Variants in PLXNA4 observed in about 807,000 individuals in gnomAD.
The protein encoded by PLXNA4 is plexin A4.
Under a neutral mutation model 191.8 loss-of-function variants are expected in PLXNA4, and 44 were observed. The observed-to-expected ratio is 0.23, with a 90% CI of 0.18 to 0.29. PLXNA4 has a LOEUF of 0.29. PLXNA4 is among the 10% of genes least tolerant of loss of function. The probability of loss-of-function intolerance (pLI) is 1.00; values close to 1 mark genes in which losing one functional copy is unlikely to be tolerated. For synonymous variants in PLXNA4, 1,082 were observed against 1,009.5 expected, an observed-to-expected ratio of 1.07 and a Z score of -1.36; for missense variants, 1,800 against 2,488.8, an observed-to-expected ratio of 0.72 and a Z score of 5.89.
rs773263111 is a variant in PLXNA4, at chr7:132,223,652, G to A, written c.1983-11C>T. On this transcript the variant is annotated splice_polypyrimidine_tract_variant and intron_variant, in intron 8 of 31. Transcript: ENST00000321063. Reference sequence around the variant, plus strand: ...ACGCAGGACAGGCACCTGGGCACAGGGGAAGGGAGGCACAAATCTAAGAAC... The same window carrying A: ...ACGCAGGACAGGCACCTGGGCACAGAGGAAGGGAGGCACAAATCTAAGAAC... 2.5e-6 allele frequency: 4 copies of A among 1,607,582 alleles called. No homozygotes were observed. Among genetic ancestry groups the A allele is most frequent in the Admixed American group, 3.4e-5 (2 of 59,634 alleles).
At chr7:132,585,802 C>T (rs1231109346) in intron 2 of PLXNA4, among the ~76,000 whole-genome samples, 1 of 152,112 alleles carries the variant, frequency 6.6e-6, no homozygotes, top group African/African-American at 2.4e-5. Flanking sequence ...TATAAGGACT[C>T]GATCCATCAT....
chr7:132,580,603 A>T (rs1802383923), upstream of PLXNA4, among the ~76,000 whole-genome samples: 1 of 152,196 alleles, frequency 6.6e-6, no homozygotes, highest in African/African-American at 2.4e-5. Context: ...AGACAGAAAA[A>T]GTATTGGTTC....
chr7:132,629,928 C>T (rs750889961), intron 2 of PLXNA4, among the ~76,000 whole-genome samples: 1 of 152,086 alleles, frequency 6.6e-6, no homozygotes, highest in Non-Finnish European at 1.5e-5. Flanking sequence ...CCGCTCACTG[C>T]AAGCTCCACC....
intron 3 of PLXNA4, among the ~76,000 whole-genome samples, chr7:132,395,360 A>G (rs1793712686): frequency 1.3e-5 from 2 of 152,184 alleles, no homozygotes; most frequent in Admixed American, 1.3e-4. Flanking sequence ...CAAGATGAAT[A>G]AGCACTTTCT....
chr7:132,387,238 C>T (rs1474200795), intron 3 of PLXNA4, among the ~76,000 whole-genome samples: 1 of 152,218 alleles, frequency 6.6e-6, no homozygotes, highest in Non-Finnish European at 1.5e-5. Flanking sequence ...CAGGCTCCAC[C>T]TCACACCTAT....
chr7:132,313,166 T>C (rs1180609583), intron 3 of PLXNA4, among the ~76,000 whole-genome samples: 1 of 152,190 alleles, frequency 6.6e-6, no homozygotes, highest in Non-Finnish European at 1.5e-5. Flanking sequence ...TCCTCAAGCC[T>C]AGAGTCAATA....
intron 2 of PLXNA4, among the ~76,000 whole-genome samples, chr7:132,493,139 T>C (rs1160898904): frequency 1.3e-5 from 2 of 152,128 alleles, no homozygotes; most frequent in Non-Finnish European, 1.5e-5. Flanking sequence ...TGAGGGTTGA[T>C]GTGGCTTCCT....
chr7:132,228,527 C>T (rs1372983154), intron 5 of PLXNA4, 58 bp from the exon 6 acceptor site: 75 of 1,601,698 alleles, frequency 4.7e-5, no homozygotes, highest in South Asian at 1.6e-4. Context: ...CAGGGAGGGG[C>T]GGATGCTGAG....
intron 1 of PLXNA4, among the ~76,000 whole-genome samples, chr7:132,648,233 T>C (rs148868522): frequency 6.6e-6 from 1 of 152,258 alleles, no homozygotes; most frequent in African/African-American, 2.4e-5. Flanking sequence ...ACACATCGTG[T>C]ATGTCCTTCT....
intron 10 of PLXNA4, among the ~76,000 whole-genome samples, chr7:132,206,469 T>TGTGC (rs1562920683): frequency 2.0e-5 from 3 of 149,536 alleles, no homozygotes; most frequent in South Asian, 2.1e-4. Flanking sequence ...TGTGTGTGTG[T>TGTGC]GTGCGCATGT....
At chr7:132,236,968 C>T (rs1798722594) in intron 5 of PLXNA4, among the ~76,000 whole-genome samples, 1 of 152,164 alleles carries the variant, frequency 6.6e-6, no homozygotes, top group Admixed American at 6.5e-5. Context: ...TCAGGAGGAG[C>T]AATATCTGGC....
At chr7:132,174,494 T>C (rs774149668) in intron 21 of PLXNA4, among the ~76,000 whole-genome samples, 10 of 152,210 alleles carry the variant, frequency 6.6e-5, no homozygotes, top group Non-Finnish European at 1.5e-4. Context: ...TGTGCATATG[T>C]AGTTTTTTCT....
chr7:132,484,643 G>A (rs761010657), intron 3 of PLXNA4: 24 of 1,158,722 alleles, frequency 2.1e-5, no homozygotes, highest in Admixed American at 8.2e-5. Context: ...CTACCTGACC[G>A]AACCCTGTAT....
intron 3 of PLXNA4, among the ~76,000 whole-genome samples, chr7:132,417,178 C>A (rs959180955): frequency 1.1e-4 from 16 of 152,160 alleles, no homozygotes; most frequent in Middle Eastern, 3.2e-3. Flanking sequence ...GCCAATCCAT[C>A]CTCTTGACAG....
At chr7:132,574,702 C>T (rs776611821) in intron 1 of PLXNA4, among the ~76,000 whole-genome samples, 26 of 152,312 alleles carry the variant, frequency 1.7e-4, no homozygotes, top group African/African-American at 2.4e-4. Flanking sequence ...CAGCACACAG[C>T]GGGAATACAA....
rs979069470 is a variant in PLXNA4, at chr7:132,128,472, T to C, written c.*2007A>G. The stretch of plus-strand genomic sequence containing the variant: ...TCCTTCCACCCACCAGCTCTCAGCA[T>C]AGAAAGCAAGTAAGTGTTGAAATGT... On this transcript the variant is annotated 3_prime_UTR_variant, in exon 32 of 32. Transcript: ENST00000321063. 2 of 151,576 alleles carry C rather than the reference T, an allele frequency of 1.3e-5. No individual in the cohort carries two copies. The highest frequency in any genetic ancestry group is 4.9e-5 in the African/African-American group (2 of 40,828). The allele number at this position is 151,576 out of a possible 1,614,324, so 9.4% of individuals were successfully genotyped here.
intron 3 of PLXNA4, among the ~76,000 whole-genome samples, chr7:132,442,267 C>A (rs1795725386): frequency 6.6e-6 from 1 of 152,082 alleles, no homozygotes; most frequent in East Asian, 1.9e-4. Flanking sequence ...TGTGTCAGGG[C>A]CACAGAGGTC....
intron 3 of PLXNA4, among the ~76,000 whole-genome samples, chr7:132,327,100 G>A (rs1203572671): frequency 6.7e-6 from 1 of 149,614 alleles, no homozygotes; most frequent in Non-Finnish European, 1.5e-5. Context: ...GAAGAAAGGA[G>A]GGAGAAAGAA....
At chr7:132,271,822 G>A (rs2116331370) in intron 4 of PLXNA4, among the ~76,000 whole-genome samples, 1 of 152,136 alleles carries the variant, frequency 6.6e-6, no homozygotes, top group Non-Finnish European at 1.5e-5. Flanking sequence ...AAGAGTTAGA[G>A]GTGAAAAAAT....
Sources: allele counts gnomAD v4.1 joint callset (sites outside exome capture counted in the v4.1 genomes callset), GRCh38; gene constraint gnomAD v4.1.1; transcripts MANE v1.5; gene names NCBI Gene and HGNC (gene_info 2026-07-23, HGNC 2026-07-21).